PAPPA2: variants seen among roughly 807,000 people sequenced by gnomAD.
The protein encoded by PAPPA2 is pappalysin 2.
In PAPPA2, 86 loss-of-function variants were observed where a neutral mutation model predicts 176.4. The observed-to-expected ratio is 0.49, with a 90% CI of 0.41 to 0.58. The LOEUF (loss-of-function observed/expected upper bound fraction) is 0.58, where lower values mean the gene tolerates loss of function less well. Ranked by LOEUF, PAPPA2 falls within the 20% of genes least tolerant of loss-of-function variation. The probability of loss-of-function intolerance (pLI) is 0.00; values close to 1 mark genes in which losing one functional copy is unlikely to be tolerated. For synonymous variants in PAPPA2, 809 were observed against 852.2 expected, an observed-to-expected ratio of 0.95 and a Z score of 0.88; for missense variants, 2,073 against 2,256.9, an observed-to-expected ratio of 0.92 and a Z score of 1.65.
intron 3 of PAPPA2, among the ~76,000 whole-genome samples, chr1:176,596,374 T>A (rs903689869): frequency 6.6e-6 from 1 of 152,188 alleles, no homozygotes; most frequent in African/African-American, 2.4e-5. Context: ...ATTGAACAGA[T>A]CAAGCTTTTT....
chr1:176,823,707 T>C (rs1421591360), intron 21 of PAPPA2, among the ~76,000 whole-genome samples: 1 of 152,206 alleles, frequency 6.6e-6, no homozygotes, highest in Non-Finnish European at 1.5e-5. Context: ...CTTGATTCCC[T>C]TGGACTAAAA....
chr1:176,831,444 C>T (rs965722447), intron 21 of PAPPA2, among the ~76,000 whole-genome samples: 1 of 152,212 alleles, frequency 6.6e-6, no homozygotes, highest in South Asian at 2.1e-4. Context: ...CAGGCTTCAA[C>T]TTCGAGTTGG....
intron 14 of PAPPA2, among the ~76,000 whole-genome samples, chr1:176,742,156 A>C (rs991374563): frequency 6.6e-6 from 1 of 152,198 alleles, no homozygotes; most frequent in Non-Finnish European, 1.5e-5. Flanking sequence ...GTTCTTTCTC[A>C]TTAAACTCTG....
At chr1:176,612,376 G>A (rs1193768976) in intron 3 of PAPPA2, among the ~76,000 whole-genome samples, 2 of 151,852 alleles carry the variant, frequency 1.3e-5, no homozygotes, top group African/African-American at 2.4e-5. Flanking sequence ...CCTGGGTGAC[G>A]GAGCGAGACC....
intron 4 of PAPPA2, among the ~76,000 whole-genome samples, chr1:176,679,608 C>T (rs1259665625): frequency 6.6e-6 from 1 of 152,138 alleles, no homozygotes. Flanking sequence ...ATGAAACCAG[C>T]AGCCACTTGA....
chr1:176,820,038 G>A (rs929777275), intron 21 of PAPPA2, among the ~76,000 whole-genome samples: 1 of 152,032 alleles, frequency 6.6e-6, no homozygotes, highest in African/African-American at 2.4e-5. Flanking sequence ...CACTCCATAG[G>A]GGGTACAAAT....
chr1:176,656,044 A>AT lies in PAPPA2; in HGVS notation c.1992-14917dup, dbSNP rs752636816. ...AATATTGTCTGCAGATTTTCAGAAT[A>AT]TTTTTTTTTCAGAAATAGATTTCTG... is the stretch of plus-strand genomic sequence containing the variant. On this transcript the variant is annotated intron_variant, in intron 3 of 22. Transcript: ENST00000367662. Among the ~76,000 whole-genome samples, 276 of 151,012 alleles carry AT rather than the reference A, an allele frequency of 1.8e-3. 2 individuals are homozygous for AT. Among genetic ancestry groups the AT allele is most frequent in the Non-Finnish European group, 3.4e-3 (229 of 67,622 alleles).
chr1:176,547,730 A>G (rs957276547), intron 1 of PAPPA2, among the ~76,000 whole-genome samples: 16 of 151,876 alleles, frequency 1.1e-4, no homozygotes, highest in Non-Finnish European at 1.9e-4. Context: ...GCCTGTACCC[A>G]CTAGATGACA....
rs547433621 is a variant in PAPPA2 at position 176,574,507 on chromosome 1, A to T, written c.919+17266A>T. Among the ~76,000 whole-genome samples the T allele has an allele frequency of 3.9e-4, 59 of 152,226 alleles. 1 individual carries two copies. In the Middle Eastern group the frequency reaches 0.01, roughly 26 times the overall value. ...GATATTGTTTACCATTTTAAAAAAA[A>T]TTTTCAATTGACTGCTGGGCAGCTC... On this transcript the variant is annotated intron_variant, in intron 2 of 22. Transcript: ENST00000367662.
intron 4 of PAPPA2, among the ~76,000 whole-genome samples, chr1:176,686,797 C>A (rs955118456): frequency 5.3e-5 from 8 of 152,088 alleles, no homozygotes; most frequent in African/African-American, 1.9e-4. Flanking sequence ...GGGAAGAAAT[C>A]TTAGTGATAA....
At chr1:176,591,085 G>GCACACACACACA (rs66535582) in intron 2 of PAPPA2, among the ~76,000 whole-genome samples, 2 of 142,246 alleles carry the variant, frequency 1.4e-5, no homozygotes, top group Admixed American at 1.4e-4. Context: ...TCACACACAT[G>GCACACACACACA]CACACACACA....
intron 14 of PAPPA2, among the ~76,000 whole-genome samples, chr1:176,760,178 G>A (rs1036440644): frequency 3.3e-5 from 5 of 152,022 alleles, no homozygotes; most frequent in African/African-American, 1.2e-4. Flanking sequence ...TTCAGAAATA[G>A]CCATGAATTT....
chr1:176,830,018 A>T (rs1029208403), intron 21 of PAPPA2, among the ~76,000 whole-genome samples: 3 of 152,170 alleles, frequency 2.0e-5, no homozygotes, highest in Non-Finnish European at 4.4e-5. Flanking sequence ...TTTTCAGGTG[A>T]TATTTTGGGG....
intron 1 of PAPPA2, among the ~76,000 whole-genome samples, chr1:176,476,304 C>A (rs935491849): frequency 6.6e-6 from 1 of 152,136 alleles, no homozygotes; most frequent in Admixed American, 6.5e-5. Flanking sequence ...GAACAGAGAC[C>A]TTGCATCTAG....
At chr1:176,655,133 AACC>A (rs1657957455) in intron 3 of PAPPA2, among the ~76,000 whole-genome samples, 1 of 151,862 alleles carries the variant, frequency 6.6e-6, no homozygotes, top group African/African-American at 2.4e-5. Flanking sequence ...GAAAGTGGGC[AACC>A]TTGTCTTGTT....
chr1:176,830,006 T>A lies in PAPPA2; in HGVS notation c.5203-10167T>A, dbSNP rs564724804. Reference sequence around the variant, plus strand: ...CTATGACTGGAAGGCCACACCAAGCTGTTTTCAGGTGATATTTTGGGGTGA... The same window carrying A: ...CTATGACTGGAAGGCCACACCAAGCAGTTTTCAGGTGATATTTTGGGGTGA... On this transcript the variant is annotated intron_variant, in intron 21 of 22. Transcript: ENST00000367662. Among the ~76,000 whole-genome samples, 129 of 152,304 alleles carry A rather than the reference T, an allele frequency of 8.5e-4. 2 individuals carry two copies. In the South Asian group the frequency reaches 0.024, roughly 29 times the overall value.
At chr1:176,601,411 T>C (rs1243914851) in intron 3 of PAPPA2, among the ~76,000 whole-genome samples, 1 of 152,162 alleles carries the variant, frequency 6.6e-6, no homozygotes, top group Non-Finnish European at 1.5e-5. Context: ...CCCAAAGTAG[T>C]TCCTCTCCCA....
intron 1 of PAPPA2, among the ~76,000 whole-genome samples, chr1:176,488,784 T>C (rs1424702727): frequency 6.6e-6 from 1 of 152,144 alleles, no homozygotes; most frequent in African/African-American, 2.4e-5. Flanking sequence ...TCTCCCCCAC[T>C]TCCTCCTTGT....
At chr1:176,725,478 A>G (rs1661822277) in intron 12 of PAPPA2, among the ~76,000 whole-genome samples, 1 of 152,232 alleles carries the variant, frequency 6.6e-6, no homozygotes, top group African/African-American at 2.4e-5. Flanking sequence ...AGATGAATGA[A>G]TTACCATCTT....
Sources: gnomAD v4.1 joint callset for allele counts (sites outside exome capture counted in the v4.1 genomes callset) on GRCh38, gnomAD v4.1.1 for gene constraint, MANE v1.5 for transcripts, NCBI Gene and HGNC (gene_info 2026-07-23, HGNC 2026-07-21) for gene names.